ST6GALNAC3: variants seen among roughly 807,000 people sequenced by gnomAD.
ST6GALNAC3 encodes the protein alpha-N-acetylgalactosaminide alpha-2,6-sialyltransferase 3.
Under a neutral mutation model 32.7 loss-of-function variants are expected in ST6GALNAC3, and 25 were observed. That is an observed-to-expected ratio of 0.76 (90% CI 0.56 to 1.07). ST6GALNAC3 has a LOEUF of 1.07. Among genes scored for constraint, ST6GALNAC3 ranks in the 50% least tolerant of loss-of-function variants. The probability of loss-of-function intolerance (pLI) is 0.00; values close to 1 mark genes in which losing one functional copy is unlikely to be tolerated. For missense variants in ST6GALNAC3, 355 were observed against 382.4 expected, an observed-to-expected ratio of 0.93 and a Z score of 0.60; for synonymous variants, 129 against 133.1, an observed-to-expected ratio of 0.97 and a Z score of 0.21.
intron 1 of ST6GALNAC3, among the ~76,000 whole-genome samples, chr1:76,116,793 C>A (rs531072777): frequency 2.6e-5 from 4 of 152,088 alleles, no homozygotes; most frequent in Non-Finnish European, 5.9e-5. Context: ...TTAGCCGGGC[C>A]TGGTGGCATG....
At chr1:76,150,749 A>G (rs762668561) in intron 1 of ST6GALNAC3, among the ~76,000 whole-genome samples, 1 of 152,310 alleles carries the variant, frequency 6.6e-6, no homozygotes, top group Admixed American at 6.5e-5. Flanking sequence ...GATGATGACA[A>G]TTACAGCACA....
intron 3 of ST6GALNAC3, among the ~76,000 whole-genome samples, chr1:76,501,989 C>A (rs1052187723): frequency 1.3e-5 from 2 of 152,210 alleles, no homozygotes; most frequent in African/African-American, 4.8e-5. Flanking sequence ...CAGCATCAAG[C>A]ATCACATACT....
At chr1:76,113,086 G>A (rs1307548176) in intron 1 of ST6GALNAC3, among the ~76,000 whole-genome samples, 4 of 152,266 alleles carry the variant, frequency 2.6e-5, no homozygotes, top group East Asian at 1.9e-4. Context: ...CTGCCATCCC[G>A]GCACCTCGGG....
intron 3 of ST6GALNAC3, among the ~76,000 whole-genome samples, chr1:76,487,380 G>T (rs997962758): frequency 6.6e-6 from 1 of 152,022 alleles, no homozygotes; most frequent in Non-Finnish European, 1.5e-5. Flanking sequence ...ACATAGATTT[G>T]GTCTTTTCAC....
intron 1 of ST6GALNAC3, among the ~76,000 whole-genome samples, chr1:76,264,625 G>A (rs891989504): frequency 1.3e-5 from 2 of 152,204 alleles, no homozygotes; most frequent in Non-Finnish European, 2.9e-5. Flanking sequence ...TCAGTAGGAG[G>A]AGGGAAGAGT....
At position 76,509,981 on chromosome 1, in the gene ST6GALNAC3, A is replaced by G. The variant is rs1417640473; in HGVS notation, c.623+97564A>G. On this transcript the variant is annotated intron_variant, in intron 3 of 4. Coordinates refer to ENST00000328299, the MANE Select transcript of ST6GALNAC3 (RefSeq NM_152996.4). This position sits in a 1 kb window ranked among gnomAD's most constrained non-coding sequence, Gnocchi z 5.5. ...GATATCTTTAGGGAGCTATTATTCT[A>G]TCTAACACAGGGAAAAAAAGGATTT... Among the ~76,000 whole-genome samples, 2 of 152,188 alleles carry G rather than the reference A, an allele frequency of 1.3e-5. No individual in the cohort carries two copies. The highest frequency in any genetic ancestry group is 2.9e-5 in the Non-Finnish European group (2 of 68,024).
chr1:76,489,804 C>G (rs977152838), intron 3 of ST6GALNAC3, among the ~76,000 whole-genome samples: 4 of 152,142 alleles, frequency 2.6e-5, no homozygotes, highest in Admixed American at 1.3e-4. Flanking sequence ...TGGATAGGAC[C>G]TTAGTCTCAC....
In ST6GALNAC3 at chr1:76,086,998, A is replaced by G. The variant is rs147207230; in HGVS notation, c.18+12114A>G. ...CCACTTTATATGTGCTGCCTTATTT[A>G]TTTTTCATCTCATTCTTTGGCTGGG... On this transcript the variant is annotated intron_variant, in intron 1 of 4. Transcript: ENST00000328299. Among the ~76,000 whole-genome samples, 965 of 152,052 alleles carry G rather than the reference A, an allele frequency of 6.3e-3. 9 individuals carry two copies. Among genetic ancestry groups the G allele is most frequent in the Middle Eastern group, 0.027 (8 of 294 alleles).
chr1:76,591,315 GC>G (rs1647045041), intron 3 of ST6GALNAC3, among the ~76,000 whole-genome samples: 1 of 152,092 alleles, frequency 6.6e-6, no homozygotes, highest in African/African-American at 2.4e-5. Flanking sequence ...ACCACTGTTA[GC>G]CTCCCTTCCA....
At chr1:76,373,057 A>T (rs1253891433) in intron 2 of ST6GALNAC3, among the ~76,000 whole-genome samples, 2 of 152,092 alleles carry the variant, frequency 1.3e-5, no homozygotes, top group Non-Finnish European at 2.9e-5. Flanking sequence ...TCAACCTCCC[A>T]AAGTGCTGGG....
intron 2 of ST6GALNAC3, among the ~76,000 whole-genome samples, chr1:76,358,000 C>G (rs1483743501): frequency 6.6e-6 from 1 of 152,082 alleles, no homozygotes; most frequent in African/African-American, 2.4e-5. Context: ...CATACTACAC[C>G]TTTTTCATTA....
chr1:76,248,621 C>G (rs1403723261), intron 1 of ST6GALNAC3, among the ~76,000 whole-genome samples: 5 of 152,170 alleles, frequency 3.3e-5, no homozygotes, highest in African/African-American at 1.2e-4. Flanking sequence ...ATAATTTTGA[C>G]TGTCTAATAT....
intron 3 of ST6GALNAC3, among the ~76,000 whole-genome samples, chr1:76,613,002 G>C (rs1327308222): frequency 6.6e-6 from 1 of 152,214 alleles, no homozygotes; most frequent in Non-Finnish European, 1.5e-5. Context: ...GGAAGCCATA[G>C]CAGTAAGTGG....
At chr1:76,568,466 G>T (rs569177263) in intron 3 of ST6GALNAC3, among the ~76,000 whole-genome samples, 1 of 152,170 alleles carries the variant, frequency 6.6e-6, no homozygotes, top group East Asian at 1.9e-4. Flanking sequence ...GGCACTCTTT[G>T]CAGACCATCT....
rs557059500 is a variant in ST6GALNAC3, at chr1:76,146,736, T to G, written c.18+71852T>G. Among the ~76,000 whole-genome samples, 5 of 152,368 alleles carry G rather than the reference T, an allele frequency of 3.3e-5. No individual in the cohort carries two copies. In the South Asian group the frequency reaches 1.0e-3, roughly 32 times the overall value. Reference sequence around the variant, plus strand: ...ATTGATCAGGACAAAGTATAAAATATTAATTTAGACAGTTAAATATCATTT... The same window carrying G: ...ATTGATCAGGACAAAGTATAAAATAGTAATTTAGACAGTTAAATATCATTT... On this transcript the variant is annotated intron_variant, in intron 1 of 4. Coordinates refer to ENST00000328299, the MANE Select transcript of ST6GALNAC3 (RefSeq NM_152996.4).
At chr1:76,099,608 CGT>C (rs1647185416) in intron 1 of ST6GALNAC3, among the ~76,000 whole-genome samples, 1 of 152,050 alleles carries the variant, frequency 6.6e-6, no homozygotes, top group Non-Finnish European at 1.5e-5. Context: ...ATCTATATGA[CGT>C]TTATAAAAGC....
intron 3 of ST6GALNAC3, among the ~76,000 whole-genome samples, chr1:76,547,721 G>T (rs1570216652): frequency 6.6e-6 from 1 of 152,038 alleles, no homozygotes; most frequent in East Asian, 1.9e-4. Context: ...GGGTGCGGTG[G>T]CAGGTGCCTG....
chr1:76,439,667 C>T (rs9437150), intron 3 of ST6GALNAC3, among the ~76,000 whole-genome samples: 128,479 of 152,206 alleles, frequency 0.84, 54,558 homozygotes, highest in Non-Finnish European at 0.89. Flanking sequence ...TTTTTTTTAT[C>T]TGGGTTCATG....
intron 2 of ST6GALNAC3, among the ~76,000 whole-genome samples, chr1:76,316,450 G>A (rs1450965220): frequency 3.3e-5 from 5 of 152,096 alleles, no homozygotes; most frequent in East Asian, 1.9e-4. Context: ...CAGCAATGGC[G>A]ATGAAGAAAC....
Sources: allele counts gnomAD v4.1 joint callset (sites outside exome capture counted in the v4.1 genomes callset), GRCh38; gene constraint gnomAD v4.1.1; non-coding constraint Gnocchi (gnomAD v3.1); transcripts MANE v1.5; gene names NCBI Gene and HGNC (gene_info 2026-07-23, HGNC 2026-07-21).